The following CATSPERB variants were observed in gnomAD, a reference collection of about 807,000 sequenced individuals.
CATSPERB encodes catsper channel auxiliary subunit beta.
A neutral mutation model predicts 128.3 loss-of-function variants in CATSPERB; 93 were observed. The observed-to-expected ratio is 0.72, with a 90% confidence interval of 0.61 to 0.86. CATSPERB has a LOEUF of 0.86. Ranked by LOEUF, CATSPERB falls within the 40% of genes least tolerant of loss-of-function variation. CATSPERB has a pLI of 0.00. For missense variants in CATSPERB, 1,153 were observed against 1,329.5 expected (o/e 0.87, Z 2.06); for synonymous variants, 381 against 448.8 (o/e 0.85, Z 1.91).
rs541450028 is a variant in CATSPERB, at chr14:91,622,228, G to A, written c.1931-291C>T. Reference sequence around the variant, plus strand: ...AAAGCTGATTTTTTTTTTTACTATGGAAATACTAAAAGCCTTAAAAACCTA... The same window carrying A: ...AAAGCTGATTTTTTTTTTTACTATGAAAATACTAAAAGCCTTAAAAACCTA... On this transcript the variant is annotated intron_variant, in intron 18 of 26. Coordinates refer to ENST00000256343, the MANE Select transcript of CATSPERB (RefSeq NM_024764.4). 6.0e-5 allele frequency among the ~76,000 whole-genome samples: 9 copies of A among 150,484 alleles called. No homozygotes were observed. The South Asian group carries it at 1.9e-3, about 31-fold the overall frequency.
chr14:91,647,619 A>G (rs1203527562), intron 15 of CATSPERB, among the ~76,000 whole-genome samples: 3 of 152,206 alleles, frequency 2.0e-5, no homozygotes, highest in Non-Finnish European at 2.9e-5. Flanking sequence ...CACATCTTAC[A>G]TGGTAGCAGG....
chr14:91,660,237 A>G (rs1894853541), intron 14 of CATSPERB, among the ~76,000 whole-genome samples: 1 of 152,182 alleles, frequency 6.6e-6, no homozygotes, highest in East Asian at 1.9e-4. Flanking sequence ...CGGTCTACAC[A>G]ATATGCATAG....
Position 91,683,190 on chromosome 14 carries a change from G to T in CATSPERB, c.931+687C>A, listed in dbSNP as rs1220868137. Among the ~76,000 whole-genome samples the T allele has an allele frequency of 2.6e-5, 4 of 152,134 alleles. No homozygotes were observed. In the East Asian group the frequency reaches 7.7e-4, roughly 29 times the overall value. ...GAAAGATGTTCTCAGAAACTCCTAT[G>T]TCCCTGCACCATAATGCTCCCGCAA... On this transcript the variant is annotated intron_variant, in intron 11 of 26. Transcript: ENST00000256343.
Position 91,669,829 on chromosome 14 carries a change from A to C in CATSPERB, c.1272T>G (p.Tyr424Ter). The change falls in exon 14 of 27, where the codon TAT becomes TAG. Residue 424 changes from tyrosine (Y) to a stop codon, truncating the protein, a stop_gained. Coordinates refer to ENST00000256343, the MANE Select transcript of CATSPERB (RefSeq NM_024764.4). LOFTEE classifies it high-confidence loss of function. ...MVFHPRSHFL[Y>*]AYGNQIWLSV... ...GTGTACGCACCTGATTGCCATAAGC[A>C]TACAAAAAGTGGCTTCGGGGATGAA... is the stretch of plus-strand genomic sequence containing the variant. The C allele has an allele frequency of 6.2e-7, 1 of 1,612,736 alleles. No individual in the cohort carries two copies. Among genetic ancestry groups the C allele is most frequent in the South Asian group, 1.1e-5 (1 of 90,680 alleles).
At chr14:91,619,555 A>ATGT in intron 19 of CATSPERB, among the ~76,000 whole-genome samples, 1 of 144,018 alleles carries the variant, frequency 6.9e-6, no homozygotes, top group East Asian at 2.0e-4. Context: ...CTTTTTTTTA[A>ATGT]AAAAAAAATA....
At chr14:91,716,476 G>A (rs972482666) in intron 5 of CATSPERB, among the ~76,000 whole-genome samples, 4 of 152,030 alleles carry the variant, frequency 2.6e-5, no homozygotes, top group Non-Finnish European at 4.4e-5. Flanking sequence ...TATTCAGGAG[G>A]CTGAGGCAGG....
chr14:91,705,953 GA>G (rs1206728326), intron 6 of CATSPERB, among the ~76,000 whole-genome samples: 1 of 151,098 alleles, frequency 6.6e-6, no homozygotes, highest in Non-Finnish European at 1.5e-5. Context: ...TTTTCTTTTA[GA>G]AAAAAATGAG....
At chr14:91,684,043 C>T in intron 10 of CATSPERB, 100 bp from the exon 11 acceptor site, 1 of 746,666 alleles carries the variant, frequency 1.3e-6, no homozygotes, top group Non-Finnish European at 2.1e-6. Context: ...TTTGATAGTT[C>T]AGGAATGTGA....
In CATSPERB at chr14:91,672,914, G is replaced by A. The variant is rs545114453; in HGVS notation, c.1081C>T (p.Leu361Phe). Residue 361 changes from leucine to phenylalanine, a missense_variant, in exon 13 of 27, where the codon CTT (leucine) becomes TTT (phenylalanine). Transcript: ENST00000256343. ...IKIFPTVLTFLVDQERGTGVY... is the reference protein window; with the variant it reads ...IKIFPTVLTFFVDQERGTGVY... ...CCAGTACCACGCTCTTGGTCAACAA[G>A]AAATGTTAGCACAGTTGGAAAAATT... The A allele has an allele frequency of 3.8e-6, 6 of 1,599,316 alleles. No individual in the cohort carries two copies. The South Asian group carries it at 6.9e-5, about 18-fold the overall frequency.
chr14:91,637,991 T>C (rs1174630620), intron 16 of CATSPERB, among the ~76,000 whole-genome samples: 1 of 152,164 alleles, frequency 6.6e-6, no homozygotes, highest in Non-Finnish European at 1.5e-5. Context: ...ACATGTGGCA[T>C]CTTAACTCTC....
chr14:91,707,575 CTTTTTTTTTTTTTTT>C (rs539712771), intron 6 of CATSPERB, among the ~76,000 whole-genome samples: 1 of 58,288 alleles, frequency 1.7e-5, no homozygotes, highest in Non-Finnish European at 3.1e-5. Context: ...TATGTACTTC[CTTTTTTTTTTTTTTT>C]TTTTTTTTTT....
intron 22 of CATSPERB, among the ~76,000 whole-genome samples, chr14:91,605,956 C>T (rs1893693875): frequency 6.6e-6 from 1 of 151,770 alleles, no homozygotes; most frequent in Non-Finnish European, 1.5e-5. Context: ...CGGGCGGATC[C>T]CTTGAGGTCA....
At chr14:91,715,817 T>C (rs1566739406) in intron 5 of CATSPERB, among the ~76,000 whole-genome samples, 2 of 152,092 alleles carry the variant, frequency 1.3e-5, no homozygotes, top group Non-Finnish European at 2.9e-5. Context: ...AAGGATACAG[T>C]CCAGAAATAG....
chr14:91,691,648 T>C (rs1895473832), intron 9 of CATSPERB, 93 bp from the exon 10 acceptor site: 4 of 974,584 alleles, frequency 4.1e-6, no homozygotes, highest in African/African-American at 1.6e-5. Context: ...AAATAAACCA[T>C]ATAAATTCGT....
At chr14:91,629,547 G>A (rs1014671485) in intron 17 of CATSPERB, among the ~76,000 whole-genome samples, 18 of 152,282 alleles carry the variant, frequency 1.2e-4, no homozygotes, top group African/African-American at 4.3e-4. Flanking sequence ...TGTCAATGTA[G>A]GTTCATGAGC....
Position 91,719,467 on chromosome 14 carries a change from C to A in CATSPERB, c.321G>T (p.Arg107=). The A allele has an allele frequency of 6.2e-7, 1 of 1,610,830 alleles. No individual in the cohort carries two copies. The highest frequency in any genetic ancestry group is 1.1e-5 in the South Asian group (1 of 90,502). The change falls in exon 5 of 27, where the codon CGG becomes CGT. Residue 107 remains arginine, a synonymous_variant. Transcript: ENST00000256343. ...FHFNLTLFSD[R]ILWLVDIPRE... ...TAGGAATATCAACCAACCACAAAAT[C>A]CGATCACTGAACTTGAATAAAGAAG...
At chr14:91,706,614 T>C (rs1030448963) in intron 6 of CATSPERB, among the ~76,000 whole-genome samples, 3 of 152,100 alleles carry the variant, frequency 2.0e-5, no homozygotes, top group African/African-American at 7.2e-5. Context: ...GGGGTGTGGA[T>C]TGGATATGAA....
At chr14:91,716,011 T>C (rs1895931243) in intron 5 of CATSPERB, among the ~76,000 whole-genome samples, 1 of 152,200 alleles carries the variant, frequency 6.6e-6, no homozygotes, top group Admixed American at 6.5e-5. Context: ...TTTGTGAACT[T>C]AGGCAAAGAT....
intron 4 of CATSPERB, 133 bp from the exon 5 acceptor site, chr14:91,719,611 T>C (rs1895996699): frequency 5.0e-6 from 3 of 602,714 alleles, no homozygotes; most frequent in Non-Finnish European, 8.3e-6. Flanking sequence ...GAAATTTCAC[T>C]CTTAGGAATT....
Sources: allele counts gnomAD v4.1 joint callset (sites outside exome capture counted in the v4.1 genomes callset), GRCh38; gene constraint gnomAD v4.1.1; transcripts MANE v1.5; gene names NCBI Gene and HGNC (gene_info 2026-07-23, HGNC 2026-07-21).